Variants in CRTAP observed in about 807,000 individuals in gnomAD.
The protein encoded by CRTAP is cartilage associated protein, also known as cartilage-associated protein.
CRTAP carries 33 observed loss-of-function variants against 42.7 expected under a neutral mutation model. The observed-to-expected ratio is 0.77, with a 90% CI of 0.59 to 1.03. The LOEUF (loss-of-function observed/expected upper bound fraction) is 1.03, where lower values mean the gene tolerates loss of function less well. Among genes scored for constraint, CRTAP ranks in the 50% least tolerant of loss-of-function variants. The pLI, the probability that CRTAP is intolerant of heterozygous loss-of-function variation, is 0.00. For missense variants in CRTAP, 613 were observed against 533.9 expected (o/e 1.15, Z -1.46); for synonymous variants, 243 against 217.7 (o/e 1.12, Z -1.02).
At chr3:33,137,379 G>A (rs753581273) in intron 6 of CRTAP, among the ~76,000 whole-genome samples, 1 of 152,090 alleles carries the variant, frequency 6.6e-6, no homozygotes, top group South Asian at 2.1e-4. Flanking sequence ...GACCTCAGGC[G>A]ATCCACCCGC....
rs1263573812 is a variant in CRTAP, at chr3:33,132,715, C to T, written c.1068+15C>T. 1.9e-6 allele frequency: 3 copies of T among 1,613,202 alleles called. No individual in the cohort carries two copies. The highest frequency in any genetic ancestry group is 2.5e-6 in the Non-Finnish European group (3 of 1,179,618). Reference sequence around the variant, plus strand: ...AGCCCAGACCTGTAAGTCTGGTGCACCACACCTTCCCTTTTCTCTTCATTC... The same window carrying T: ...AGCCCAGACCTGTAAGTCTGGTGCATCACACCTTCCCTTTTCTCTTCATTC... On this transcript the variant is annotated intron_variant, in intron 5 of 6. Transcript: ENST00000320954.
intron 4 of CRTAP, among the ~76,000 whole-genome samples, 160 bp from the exon 5 acceptor site, chr3:33,132,395 A>C (rs1247902158): frequency 6.6e-6 from 1 of 152,188 alleles, no homozygotes; most frequent in African/African-American, 2.4e-5. Flanking sequence ...TGGAGACCCC[A>C]TCTGTGGCCT....
chr3:33,114,402 T>C lies in CRTAP; in HGVS notation c.325T>C (p.Phe109Leu), dbSNP rs775914088. Residue 109 changes from phenylalanine to leucine, a missense_variant, in exon 1 of 7, where the codon TTC (phenylalanine) becomes CTC (leucine). Phe to Leu is a conservative substitution (Grantham distance 22). Transcript: ENST00000320954. ...GLASYPELRLFGGLLRRAHCL... is the reference protein window; with the variant it reads ...GLASYPELRLLGGLLRRAHCL... ...CGCCAGCTATCCCGAGCTGCGCCTC[T>C]TCGGGGGCCTGCTGCGCCGCGCGCA... The C allele has an allele frequency of 1.0e-5, 16 of 1,539,950 alleles. No homozygotes were observed. In the East Asian group the frequency reaches 3.2e-4, roughly 31 times the overall value.
At chr3:33,126,533 A>G (rs949866280) in intron 3 of CRTAP, among the ~76,000 whole-genome samples, 1 of 152,196 alleles carries the variant, frequency 6.6e-6, no homozygotes, top group East Asian at 1.9e-4. Flanking sequence ...CAACTGCTTC[A>G]TAGTTGATGC....
chr3:33,125,491 G>GTTTTTTTTTTTT (rs60498778), intron 3 of CRTAP, among the ~76,000 whole-genome samples: 2 of 30,126 alleles, frequency 6.6e-5, no homozygotes, highest in Non-Finnish European at 5.6e-5. Context: ...TACAAAGTAG[G>GTTTTTTTTTTTT]TTTTTTTTTT....
At chr3:33,128,744 A>C (rs1210732423) in intron 3 of CRTAP, among the ~76,000 whole-genome samples, 1 of 152,248 alleles carries the variant, frequency 6.6e-6, no homozygotes, top group African/African-American at 2.4e-5. Flanking sequence ...ACTTCCTACC[A>C]GCAATGTTTG....
chr3:33,137,187 C>G (rs1012078731), intron 6 of CRTAP, among the ~76,000 whole-genome samples: 21 of 152,222 alleles, frequency 1.4e-4, no homozygotes, highest in African/African-American at 5.1e-4. Context: ...GTTGCCCAGG[C>G]TGGAGTGCAA....
At position 33,144,925 on chromosome 3, in the gene CRTAP, G is replaced by A. The variant is rs1246243937; in HGVS notation, c.*2477G>A. 6.6e-6 allele frequency: 1 copy of A among 152,226 alleles called. No individual in the cohort carries two copies. The highest frequency in any genetic ancestry group is 1.5e-5 in the Non-Finnish European group (1 of 68,054). 9.4% of individuals were successfully genotyped at this position (152,226 alleles called of 1,614,324 possible). A position where few individuals can be genotyped will look rare whatever the true frequency, so the allele number is the denominator to read the frequency against. ...TCCCTTCTCCAAATAAGCCACTTGT[G>A]TAGTTGGGCCCCTCCAGGGTTGAAG... On this transcript the variant is annotated 3_prime_UTR_variant, in exon 7 of 7. Coordinates refer to ENST00000320954, the MANE Select transcript of CRTAP (RefSeq NM_006371.5).
rs60498778 is a variant in CRTAP, at chr3:33,125,491, G to GTTTTTTTTT, written c.793+928_793+936dup. On this transcript the variant is annotated intron_variant, in intron 3 of 6. Transcript: ENST00000320954. ...TCATTAATCTCTTTCTACAAAGTAG[G>GTTTTTTTTT]TTTTTTTTTTTTTTTTTTTTTTTTG... Among the ~76,000 whole-genome samples, 51 of 30,128 alleles carry GTTTTTTTTT rather than the reference G, an allele frequency of 1.7e-3. 2 individuals carry two copies. The highest frequency in any genetic ancestry group is 2.1e-3 in the Non-Finnish European group (37 of 17,716). The allele number at this position is 30,128 out of a possible 152,430, so 19.8% of individuals were successfully genotyped here.
intron 2 of CRTAP, 135 bp from the exon 3 acceptor site, chr3:33,124,270 ACTT>A: frequency 1.1e-6 from 1 of 874,944 alleles, no homozygotes; most frequent in Non-Finnish European, 1.9e-6. Context: ...TCACTGATTG[ACTT>A]CTTCAAGGGC....
At chr3:33,134,144 G>T (rs1312244268) in intron 5 of CRTAP, 38 bp from the exon 6 acceptor site, 5 of 1,386,784 alleles carry the variant, frequency 3.6e-6, no homozygotes, top group Admixed American at 1.7e-5. Context: ...AGATGAAAAG[G>T]TTGGTCCTAT....
intron 2 of CRTAP, among the ~76,000 whole-genome samples, chr3:33,122,918 C>T (rs1320359953): frequency 6.6e-6 from 1 of 151,794 alleles, no homozygotes; most frequent in Non-Finnish European, 1.5e-5. Flanking sequence ...AGGATCTCTA[C>T]TTATTTCTTG....
chr3:33,137,164 G>C (rs1393430043), intron 6 of CRTAP, among the ~76,000 whole-genome samples: 1 of 152,022 alleles, frequency 6.6e-6, no homozygotes, highest in Admixed American at 6.6e-5. Flanking sequence ...TTTTGAGACA[G>C]AGTTTTGCTC....
At chr3:33,131,417 T>A (rs993488816) in intron 4 of CRTAP, among the ~76,000 whole-genome samples, 1 of 152,196 alleles carries the variant, frequency 6.6e-6, no homozygotes, top group Admixed American at 6.5e-5. Context: ...TGGTTCTAAA[T>A]GTATAAAGCT....
intron 3 of CRTAP, among the ~76,000 whole-genome samples, chr3:33,129,673 G>T (rs1227469332): frequency 6.6e-6 from 1 of 151,050 alleles, no homozygotes; most frequent in Non-Finnish European, 1.5e-5. Flanking sequence ...GAGTAGCTGG[G>T]ACCACAGGCG....
chr3:33,135,277 T>C (rs2030387603), intron 6 of CRTAP, among the ~76,000 whole-genome samples: 1 of 152,192 alleles, frequency 6.6e-6, no homozygotes, highest in South Asian at 2.1e-4. Flanking sequence ...CATTCCCCCA[T>C]TCCCTAAAGG....
rs1333081449 is a variant in CRTAP, at chr3:33,114,095, G to A, written c.18G>A (p.Arg6=). 2 of 1,464,596 alleles carry A rather than the reference G, an allele frequency of 1.4e-6. No individual in the cohort carries two copies. The highest frequency in any genetic ancestry group is 1.8e-6 in the Non-Finnish European group (2 of 1,115,714). The allele number at this position is 1,464,596 out of a possible 1,614,324, so 90.7% of individuals were successfully genotyped here. The part of the protein sequence containing the change: MEPGR[R]GAAALLALLC... The stretch of plus-strand genomic sequence containing the variant: ...CGGGCGCGATGGAGCCGGGGCGCCG[G>A]GGGGCCGCGGCGCTGCTAGCGCTGC... The change falls in exon 1 of 7, where the codon CGG becomes CGA. Residue 6 remains arginine (R), a synonymous_variant. Transcript: ENST00000320954.
In CRTAP at chr3:33,120,353, C is replaced by T; in HGVS notation, c.481C>T (p.Leu161Phe). Residue 161 changes from leucine to phenylalanine, a missense_variant, in exon 2 of 7, where the codon CTC becomes TTC. Transcript: ENST00000320954. ...LQFAYFKANN[L>F]PKAIAAAHTF... Reference sequence around the variant, plus strand: ...TTCTTTGTCCTTTTAGGCAAATAATCTCCCCAAAGCCATCGCCGCTGCTCA... The same window carrying T: ...TTCTTTGTCCTTTTAGGCAAATAATTTCCCCAAAGCCATCGCCGCTGCTCA... 1 of 1,613,832 alleles carries T rather than the reference C, an allele frequency of 6.2e-7. No individual in the cohort carries two copies. Among genetic ancestry groups the T allele is most frequent in the Non-Finnish European group, 8.5e-7 (1 of 1,179,804 alleles).
intron 4 of CRTAP, among the ~76,000 whole-genome samples, chr3:33,131,875 A>G (rs1045703992): frequency 6.6e-6 from 1 of 152,042 alleles, no homozygotes; most frequent in Admixed American, 6.6e-5. Context: ...TGTAAATTAG[A>G]GTGGAATGTG....
Sources: allele counts gnomAD v4.1 joint callset (sites outside exome capture counted in the v4.1 genomes callset), GRCh38; gene constraint gnomAD v4.1.1; transcripts MANE v1.5; gene names NCBI Gene and HGNC (gene_info 2026-07-23, HGNC 2026-07-21).